Variants in ADAM23 observed in about 807,000 individuals in gnomAD.
ADAM23 encodes ADAM metallopeptidase domain 23.
A neutral mutation model predicts 120.1 loss-of-function variants in ADAM23; 33 were observed. That is an observed-to-expected ratio of 0.27 (90% CI 0.21 to 0.37). The LOEUF is 0.37. Among genes scored for constraint, ADAM23 ranks in the 10% least tolerant of loss-of-function variants. The pLI is 1.00. For missense variants in ADAM23, 862 were observed against 1,058.2 expected, an observed-to-expected ratio of 0.81 and a Z score of 2.57; for synonymous variants, 367 against 375.2, an observed-to-expected ratio of 0.98 and a Z score of 0.25.
intron 3 of ADAM23, among the ~76,000 whole-genome samples, chr2:206,518,165 A>G (rs1026098606): frequency 1.2e-4 from 19 of 152,336 alleles, no homozygotes; most frequent in Admixed American, 1.2e-3. Flanking sequence ...TTTTTCTACT[A>G]CCACTGGATT....
Position 206,589,425 on chromosome 2 carries a change from C to A in ADAM23, c.1869C>A (p.Asp623Glu), listed in dbSNP as rs558744198. The A allele has an allele frequency of 6.2e-7, 1 of 1,613,524 alleles. No homozygotes were observed. The change falls in exon 21 of 26, where the codon GAC becomes GAA. Residue 623 changes from aspartate to glutamate, a missense_variant. Asp to Glu is a conservative substitution (Grantham distance 45). Transcript: ENST00000264377. ...CTCCAAAAGAGGCTGCAGGGTCTGA[C>A]AAGTTCTGCTATGAAAAGCTGAATA... ...YIWGTKAAGS[D>E]KFCYEKLNTE...
At chr2:206,452,644 A>G (rs572559094) in intron 2 of ADAM23, among the ~76,000 whole-genome samples, 25 of 152,270 alleles carry the variant, frequency 1.6e-4, no homozygotes, top group Admixed American at 1.1e-3. Context: ...CTGTGTCTAC[A>G]ATAAGTTAAA....
At chr2:206,573,059 A>G in intron 17 of ADAM23, 56 bp from the exon 18 acceptor site, 2 of 1,563,730 alleles carry the variant, frequency 1.3e-6, no homozygotes, top group Non-Finnish European at 1.8e-6. Context: ...AGAATGTTAT[A>G]ATAACTCTGA....
At chr2:206,555,484 C>G (rs954451652) in intron 9 of ADAM23, among the ~76,000 whole-genome samples, 1 of 152,114 alleles carries the variant, frequency 6.6e-6, no homozygotes, top group Admixed American at 6.5e-5. Flanking sequence ...AGTAGCTTCC[C>G]AACAGGTATC....
intron 3 of ADAM23, among the ~76,000 whole-genome samples, chr2:206,519,246 C>T (rs562039480): frequency 6.6e-6 from 1 of 152,254 alleles, no homozygotes; most frequent in South Asian, 2.1e-4. Flanking sequence ...AAGTCCACAC[C>T]AGTTGGAAGA....
chr2:206,512,169 C>T (rs1696636400), intron 3 of ADAM23, among the ~76,000 whole-genome samples: 1 of 152,152 alleles, frequency 6.6e-6, no homozygotes. Context: ...AACTGATAGC[C>T]ACATGCTTAT....
intron 3 of ADAM23, among the ~76,000 whole-genome samples, chr2:206,505,546 C>T (rs1178262720): frequency 1.3e-5 from 2 of 152,054 alleles, no homozygotes; most frequent in African/African-American, 2.4e-5. Flanking sequence ...AAGCAGGCAA[C>T]GTCTTACATG....
chr2:206,586,314 G>C (rs1025064582), intron 18 of ADAM23, among the ~76,000 whole-genome samples: 1 of 152,194 alleles, frequency 6.6e-6, no homozygotes, highest in Non-Finnish European at 1.5e-5. Flanking sequence ...AGGGACTCAG[G>C]TGGGAGGCTA....
At chr2:206,573,231 T>TTGTA (rs1458799093) in intron 18 of ADAM23, 36 bp downstream of exon 18, 3 of 1,586,432 alleles carry the variant, frequency 1.9e-6, no homozygotes, top group Admixed American at 3.3e-5. Flanking sequence ...TACATTTTAC[T>TTGTA]TGTACAGGTT....
At chr2:206,466,721 A>G (rs1234625013) in intron 2 of ADAM23, among the ~76,000 whole-genome samples, 6 of 152,196 alleles carry the variant, frequency 3.9e-5, no homozygotes, top group Non-Finnish European at 2.9e-5. Flanking sequence ...AGACTGGGTA[A>G]TGTGTAAAGA....
intron 2 of ADAM23, among the ~76,000 whole-genome samples, chr2:206,452,291 A>G (rs989218330): frequency 1.3e-5 from 2 of 152,140 alleles, no homozygotes; most frequent in African/African-American, 2.4e-5. Flanking sequence ...TGGACATTTC[A>G]TCCTGGTTTG....
chr2:206,448,087 A>C (rs905515595), intron 2 of ADAM23, among the ~76,000 whole-genome samples: 3 of 152,224 alleles, frequency 2.0e-5, no homozygotes, highest in African/African-American at 7.2e-5. Context: ...TTTGTCAAAC[A>C]ATGTTGAAAA....
intron 23 of ADAM23, 27 bp downstream of exon 23, chr2:206,594,932 G>T (rs765484025): frequency 1.2e-6 from 2 of 1,612,830 alleles, no homozygotes. Context: ...GTGACAGCTG[G>T]AACCTTCATG....
At chr2:206,517,793 C>A (rs1239236773) in intron 3 of ADAM23, among the ~76,000 whole-genome samples, 15 of 152,092 alleles carry the variant, frequency 9.9e-5, no homozygotes, top group Admixed American at 9.8e-4. Context: ...CATTCTGGTT[C>A]CTGGAACTGA....
At chr2:206,564,964 T>C (rs1231446973) in intron 13 of ADAM23, 56 bp from the exon 14 acceptor site, 1 of 1,590,034 alleles carries the variant, frequency 6.3e-7, no homozygotes, top group Non-Finnish European at 8.6e-7. Flanking sequence ...CAAAAAAATA[T>C]GTGACTTTCT....
intron 3 of ADAM23, among the ~76,000 whole-genome samples, chr2:206,521,821 G>A (rs978544286): frequency 1.1e-4 from 16 of 152,256 alleles, no homozygotes; most frequent in African/African-American, 3.6e-4. Flanking sequence ...GGATTATAGG[G>A]TGAACATGCT....
intron 25 of ADAM23, among the ~76,000 whole-genome samples, chr2:206,614,527 C>T (rs1312100983): frequency 1.3e-5 from 2 of 151,860 alleles, no homozygotes; most frequent in Non-Finnish European, 1.5e-5. Flanking sequence ...TGGTGGTGCA[C>T]GCCTGTAATC....
chr2:206,525,451 T>A (rs761325489), intron 3 of ADAM23, among the ~76,000 whole-genome samples: 11 of 152,252 alleles, frequency 7.2e-5, no homozygotes, highest in African/African-American at 1.2e-4. Flanking sequence ...GTATATCTTT[T>A]CTAGTAGCCT....
intron 3 of ADAM23, among the ~76,000 whole-genome samples, chr2:206,501,417 G>A (rs1424876701): frequency 6.6e-6 from 1 of 151,828 alleles, no homozygotes; most frequent in African/African-American, 2.4e-5. Flanking sequence ...CACTCATGGA[G>A]ACTGAGCATT....
Sources: allele counts gnomAD v4.1 joint callset (sites outside exome capture counted in the v4.1 genomes callset), GRCh38; gene constraint gnomAD v4.1.1; transcripts MANE v1.5; gene names NCBI Gene and HGNC (gene_info 2026-07-23, HGNC 2026-07-21).